The following LHFPL6 variants were observed in gnomAD, a reference collection of about 807,000 sequenced individuals.
The protein encoded by LHFPL6 is LHFPL tetraspan subfamily member 6.
A neutral mutation model predicts 20.6 loss-of-function variants in LHFPL6; 9 were observed. The observed-to-expected ratio is 0.44, with a 90% CI of 0.26 to 0.76. LHFPL6 has a LOEUF of 0.76. LHFPL6 is among the 30% of genes least tolerant of loss of function. The pLI is 0.20. For synonymous variants in LHFPL6, 105 were observed against 98.7 expected (o/e 1.06, Z -0.38); for missense variants, 218 against 253.5 (o/e 0.86, Z 0.95).
intron 2 of LHFPL6, among the ~76,000 whole-genome samples, chr13:39,390,275 T>C (rs746025180): frequency 1.3e-5 from 2 of 151,980 alleles, no homozygotes; most frequent in Non-Finnish European, 2.9e-5. Flanking sequence ...TGAAGCCTCT[T>C]ATACAGATAA....
chr13:39,361,671 C>T (rs1009532949), intron 3 of LHFPL6, among the ~76,000 whole-genome samples: 1 of 152,140 alleles, frequency 6.6e-6, no homozygotes, highest in African/African-American at 2.4e-5. Context: ...TTGCAAGTCG[C>T]AAACCGTAAG....
intron 2 of LHFPL6, among the ~76,000 whole-genome samples, chr13:39,550,212 GGAAAACTATAGGCACA>G (rs1357963966): frequency 6.6e-6 from 1 of 151,984 alleles, no homozygotes; most frequent in African/African-American, 2.4e-5. Flanking sequence ...TCTGGAAAAG[GGAAAACTATAGGCACA>G]GAAAACAGGT....
At chr13:39,507,024 C>T (rs1046177780) in intron 2 of LHFPL6, among the ~76,000 whole-genome samples, 1 of 152,084 alleles carries the variant, frequency 6.6e-6, no homozygotes, top group Non-Finnish European at 1.5e-5. Flanking sequence ...TGTATAAACA[C>T]GTTTGTGCTT....
chr13:39,557,387 C>T (rs1022424628), intron 2 of LHFPL6, among the ~76,000 whole-genome samples: 7 of 152,288 alleles, frequency 4.6e-5, no homozygotes, highest in Admixed American at 1.3e-4. Context: ...GGCTTCCACA[C>T]GGATTTCAGA....
chr13:39,506,769 T>C (rs1593340245), intron 2 of LHFPL6, among the ~76,000 whole-genome samples: 1 of 152,112 alleles, frequency 6.6e-6, no homozygotes, highest in East Asian at 1.9e-4. Context: ...ACATATAAGC[T>C]AAAGCTGAGG....
At chr13:39,511,116 G>A (rs377190579) in intron 2 of LHFPL6, among the ~76,000 whole-genome samples, 77 of 152,032 alleles carry the variant, frequency 5.1e-4, no homozygotes, top group African/African-American at 1.5e-3. Flanking sequence ...CAGGTGATCC[G>A]TCCACCTCAG....
Position 39,351,470 on chromosome 13 carries a change from A to T in LHFPL6, c.485-7416T>A, listed in dbSNP as rs1418008936. 1.5e-3 allele frequency among the ~76,000 whole-genome samples: 235 copies of T among 152,324 alleles called. 1 individual carries two copies. Among genetic ancestry groups the T allele is most frequent in the African/African-American group, 5.3e-3 (221 of 41,564 alleles). The stretch of plus-strand genomic sequence containing the variant: ...CAGATAATGTATAAAAAAAGATCTT[A>T]ATCAAATGCATTTTTCTCATTTGTT... On this transcript the variant is annotated intron_variant, in intron 3 of 3. Coordinates refer to ENST00000379589, the MANE Select transcript of LHFPL6 (RefSeq NM_005780.3).
intron 3 of LHFPL6, among the ~76,000 whole-genome samples, chr13:39,345,377 G>A (rs1869365152): frequency 6.6e-6 from 1 of 151,668 alleles, no homozygotes; most frequent in South Asian, 2.1e-4. Context: ...GCCAAGCATG[G>A]TGGTGGGCAC....
At chr13:39,346,882 G>A (rs529299903) in intron 3 of LHFPL6, among the ~76,000 whole-genome samples, 68 of 151,426 alleles carry the variant, frequency 4.5e-4, no homozygotes, top group Admixed American at 2.2e-3. Context: ...AAAATTAGCC[G>A]GGCAAATTTG....
chr13:39,354,204 C>T (rs1486113056), intron 3 of LHFPL6, among the ~76,000 whole-genome samples: 1 of 152,058 alleles, frequency 6.6e-6, no homozygotes, highest in Non-Finnish European at 1.5e-5. Flanking sequence ...CTGAATTACA[C>T]CATCAAACAA....
chr13:39,465,852 A>G (rs944367287), intron 2 of LHFPL6, among the ~76,000 whole-genome samples: 1 of 152,094 alleles, frequency 6.6e-6, no homozygotes, highest in Non-Finnish European at 1.5e-5. Flanking sequence ...TCACTGCAAA[A>G]GAGTCTAGCA....
chr13:39,500,108 G>C (rs1869242145), intron 2 of LHFPL6, among the ~76,000 whole-genome samples: 1 of 152,006 alleles, frequency 6.6e-6, no homozygotes, highest in East Asian at 1.9e-4. Context: ...TCCTGCCTCA[G>C]TATGTTTCTT....
At chr13:39,498,006 G>A (rs980066981) in intron 2 of LHFPL6, among the ~76,000 whole-genome samples, 4 of 152,034 alleles carry the variant, frequency 2.6e-5, no homozygotes, top group Non-Finnish European at 4.4e-5. Flanking sequence ...CCTCTGCAGC[G>A]AACTATGATA....
chr13:39,419,855 A>T (rs539605142), intron 2 of LHFPL6, among the ~76,000 whole-genome samples: 185 of 152,126 alleles, frequency 1.2e-3, no homozygotes, highest in African/African-American at 4.1e-3. Context: ...GATTGACTAA[A>T]TTTTTTTTAG....
Position 39,445,950 on chromosome 13 carries a change from TTCTCTCCA to T in LHFPL6, c.386-67432_386-67425del, listed in dbSNP as rs554497647. ...CATAATTAGCATCACATTTGCATTT[TTCTCTCCA>T]CAAAAAAGAGCTAATAATCTTAGAA... is the stretch of plus-strand genomic sequence containing the variant. On this transcript the variant is annotated intron_variant, in intron 2 of 3. Transcript: ENST00000379589. 4.7e-3 allele frequency among the ~76,000 whole-genome samples: 716 copies of T among 152,328 alleles called. 9 individuals carry two copies. The highest frequency in any genetic ancestry group is 7.3e-3 in the South Asian group (35 of 4,826).
At chr13:39,503,573 AG>A (rs1299881226) in intron 2 of LHFPL6, among the ~76,000 whole-genome samples, 1 of 152,228 alleles carries the variant, frequency 6.6e-6, no homozygotes, top group African/African-American at 2.4e-5. Context: ...AAGCTCCATG[AG>A]GCCAAGGATT....
chr13:39,359,669 G>A (rs1311349072), intron 3 of LHFPL6, among the ~76,000 whole-genome samples: 1 of 152,056 alleles, frequency 6.6e-6, no homozygotes, highest in East Asian at 1.9e-4. Context: ...TCTACCTATT[G>A]GGTGCTATGC....
chr13:39,415,697 G>A (rs1267160848), intron 2 of LHFPL6, among the ~76,000 whole-genome samples: 5 of 152,170 alleles, frequency 3.3e-5, no homozygotes, highest in South Asian at 2.1e-4. Flanking sequence ...TGCAGTAACC[G>A]AAGGTGTACT....
intron 2 of LHFPL6, among the ~76,000 whole-genome samples, chr13:39,525,627 T>C (rs1870262283): frequency 6.6e-6 from 1 of 152,106 alleles, no homozygotes; most frequent in African/African-American, 2.4e-5. Context: ...CCTTGCATCT[T>C]CTTTTTGACC....
Sources: gnomAD v4.1 joint callset for allele counts (sites outside exome capture counted in the v4.1 genomes callset) on GRCh38, gnomAD v4.1.1 for gene constraint, MANE v1.5 for transcripts, NCBI Gene and HGNC (gene_info 2026-07-23, HGNC 2026-07-21) for gene names.